FAM163B: variants seen among roughly 807,000 people sequenced by gnomAD.
FAM163B encodes protein FAM163B.
FAM163B carries 4 observed loss-of-function variants against 7.6 expected under a neutral mutation model. The observed-to-expected ratio is 0.52, with a 90% CI of 0.26 to 1.20. The LOEUF (loss-of-function observed/expected upper bound fraction) is 1.20. FAM163B is among the 50% of genes most tolerant of loss of function. The probability of loss-of-function intolerance (pLI) is 0.14; values close to 1 mark genes in which losing one functional copy is unlikely to be tolerated. For synonymous variants in FAM163B, 120 were observed against 111.6 expected (o/e 1.07, Z -0.47); for missense variants, 250 against 243.0 (o/e 1.03, Z -0.19).
chr9:133,596,965 G>T (rs948972717), intron 1 of FAM163B, among the ~76,000 whole-genome samples: 3 of 152,200 alleles, frequency 2.0e-5, no homozygotes, highest in Non-Finnish European at 4.4e-5. Context: ...GCCTAACAAA[G>T]CTTAAAAGCA....
chr9:133,582,930 G>A (rs1447897512), intron 1 of FAM163B, among the ~76,000 whole-genome samples: 6 of 152,220 alleles, frequency 3.9e-5, no homozygotes, highest in Admixed American at 6.5e-5. Flanking sequence ...CACAGCTGCC[G>A]GAGAGATTGC....
At chr9:133,582,724 C>A (rs1291621227) in intron 1 of FAM163B, among the ~76,000 whole-genome samples, 1 of 152,212 alleles carries the variant, frequency 6.6e-6, no homozygotes, top group Non-Finnish European at 1.5e-5. Context: ...GGACGTGCAC[C>A]CCAGGCTGGG....
At chr9:133,585,048 C>A (rs1831412825) in intron 1 of FAM163B, among the ~76,000 whole-genome samples, 1 of 152,252 alleles carries the variant, frequency 6.6e-6, no homozygotes, top group South Asian at 2.1e-4. Context: ...ATGGGGCTCC[C>A]CTGTGCGTCC....
chr9:133,599,947 ATG>A (rs942674553), intron 1 of FAM163B, among the ~76,000 whole-genome samples: 9 of 120,156 alleles, frequency 7.5e-5, no homozygotes, highest in Non-Finnish European at 1.5e-4. Context: ...CTATGTGCAT[ATG>A]TGTGTGCGTG....
chr9:133,580,195 C>T lies in FAM163B; in HGVS notation c.29G>A (p.Gly10Glu). Residue 10 changes from glycine (G) to glutamate (E), a missense_variant, in exon 2 of 3, where the codon GGG becomes GAG. Physicochemically the swap from Gly to Glu is moderately conservative, Grantham distance 98. Coordinates refer to ENST00000673969, the MANE Select transcript of FAM163B (RefSeq NM_001080515.3). MTAGTVVIT[G>E]GILATVILLC... Reference sequence around the variant, plus strand: ...CAAAATCACAGTCGCCAAGATGCCCCCGGTGATGACCACGGTCCCGGCTGT... The same window carrying T: ...CAAAATCACAGTCGCCAAGATGCCCTCGGTGATGACCACGGTCCCGGCTGT... The T allele has an allele frequency of 6.2e-7, 1 of 1,613,598 alleles. No homozygotes were observed. Among genetic ancestry groups the T allele is most frequent in the South Asian group, 1.1e-5 (1 of 91,084 alleles).
Position 133,579,117 on chromosome 9 carries a change from C to T in FAM163B, c.406G>A (p.Gly136Arg), listed in dbSNP as rs555269190. 42 of 1,607,440 alleles carry T rather than the reference C, an allele frequency of 2.6e-5. No individual in the cohort carries two copies. In the Middle Eastern group the frequency reaches 5.8e-4, roughly 22 times the overall value. ...AGCGCCTGCAGGCCCCCGAAGCCCC[C>T]CGGGGGCAGCTCCACGTCCTCCTGG... is the stretch of plus-strand genomic sequence containing the variant. Reference protein sequence around the residue: ...VSQEDVELPPGGFGGLQALNP... With the variant: ...VSQEDVELPPRGFGGLQALNP... The change falls in exon 3 of 3, where the codon GGG (glycine) becomes AGG (arginine). Residue 136 changes from glycine (G) to arginine (R), a missense_variant. By Grantham distance (125) the Gly-to-Arg change is moderately radical. Transcript: ENST00000673969.
intron 1 of FAM163B, among the ~76,000 whole-genome samples, chr9:133,596,170 A>G (rs1223527097): frequency 3.3e-5 from 5 of 152,006 alleles, no homozygotes; most frequent in African/African-American, 9.7e-5. Context: ...GGGAGCACCA[A>G]TAGGGCTTGT....
rs569515403 is a variant in FAM163B, at chr9:133,600,720, G to A, written c.-24+8357C>T. Among the ~76,000 whole-genome samples, 366 of 63,666 alleles carry A rather than the reference G, an allele frequency of 5.7e-3. 2 individuals are homozygous for A. Among genetic ancestry groups the A allele is most frequent in the Admixed American group, 0.013 (78 of 6,208 alleles). 41.8% of individuals were successfully genotyped at this position (63,666 alleles called of 152,430 possible). A position where few individuals can be genotyped will look rare whatever the true frequency, so the allele number is the denominator to read the frequency against. On this transcript the variant is annotated intron_variant, in intron 1 of 2. Coordinates refer to ENST00000673969, the MANE Select transcript of FAM163B (RefSeq NM_001080515.3). The surrounding 1 kb of genome is among the most constrained non-coding windows in gnomAD (Gnocchi z 4.9). ...CAGAATCTTAAAGCCACATTTTAGA[G>A]TCTTAAAAATCAGAACATGCAACCA... is the stretch of plus-strand genomic sequence containing the variant.
rs567087803 is a variant in FAM163B, at chr9:133,579,136, C to G, written c.387G>C (p.Glu129Asp). 9.3e-6 allele frequency: 15 copies of G among 1,609,602 alleles called. No individual in the cohort carries two copies. In the East Asian group the frequency reaches 2.9e-4, roughly 31 times the overall value. The change falls in exon 3 of 3, where the codon GAG (glutamate) becomes GAC (aspartate). Residue 129 changes from glutamate to aspartate, a missense_variant. By Grantham distance (45) the Glu-to-Asp change is conservative. Coordinates refer to ENST00000673969, the MANE Select transcript of FAM163B (RefSeq NM_001080515.3). ...ERVLYKSVSQEDVELPPGGFG... is the reference protein window; with the variant it reads ...ERVLYKSVSQDDVELPPGGFG... ...AGCCCCCCGGGGGCAGCTCCACGTC[C>G]TCCTGGCTCACGCTCTTGTAGAGCA...
chr9:133,589,654 T>G (rs115868836), intron 1 of FAM163B, among the ~76,000 whole-genome samples: 2,585 of 152,026 alleles, frequency 0.017, 81 homozygotes, highest in African/African-American at 0.058. Context: ...GCGGCATTGG[T>G]GCTGATTTCA....
At chr9:133,583,535 ATGCTCAG>A (rs1831386314) in intron 1 of FAM163B, among the ~76,000 whole-genome samples, 1 of 152,204 alleles carries the variant, frequency 6.6e-6, no homozygotes, top group Non-Finnish European at 1.5e-5. Flanking sequence ...CAGCTGCACC[ATGCTCAG>A]TGCTGTGCTG....
intron 1 of FAM163B, among the ~76,000 whole-genome samples, chr9:133,590,279 C>CTTTTTTCTTTTG (rs1831531982): frequency 7.0e-6 from 1 of 143,656 alleles, no homozygotes. Flanking sequence ...TTTTTCTTTT[C>CTTTTTTCTTTTG]TTTTCGTTCT....
rs373819376 is a variant in FAM163B, at chr9:133,586,169, GC to G, written c.-23-5924del. On this transcript the variant is annotated intron_variant, in intron 1 of 2. Coordinates refer to ENST00000673969, the MANE Select transcript of FAM163B (RefSeq NM_001080515.3). Reference sequence around the variant, plus strand: ...GTTGGTCTCCGAGATGTTATCCAGAGCCCGGCTGGGGGTGGGCTGGCAGAAG... The same window carrying G: ...GTTGGTCTCCGAGATGTTATCCAGAGCCGGCTGGGGGTGGGCTGGCAGAAG... 1,464 of 152,428 alleles carry G rather than the reference GC, an allele frequency of 9.6e-3. 24 individuals are homozygous for G. The highest frequency in any genetic ancestry group is 0.034 in the African/African-American group (1,396 of 41,596). 9.4% of individuals were successfully genotyped at this position (152,428 alleles called of 1,614,324 possible). A position where few individuals can be genotyped will look rare whatever the true frequency, so the allele number is the denominator to read the frequency against.
chr9:133,598,193 C>T (rs979175939), intron 1 of FAM163B, among the ~76,000 whole-genome samples: 6 of 151,582 alleles, frequency 4.0e-5, no homozygotes, highest in East Asian at 3.9e-4. Flanking sequence ...TGGGTGGAGT[C>T]GGGCTTGTCT....
intron 1 of FAM163B, among the ~76,000 whole-genome samples, chr9:133,589,641 A>G (rs1370174643): frequency 6.0e-5 from 9 of 150,502 alleles, no homozygotes; most frequent in Admixed American, 6.0e-4. Flanking sequence ...CACACACAGT[A>G]GGGCGGCATT....
intron 1 of FAM163B, among the ~76,000 whole-genome samples, chr9:133,583,399 A>C (rs1000143439): frequency 6.6e-5 from 10 of 152,138 alleles, no homozygotes; most frequent in Non-Finnish European, 1.2e-4. Context: ...ACCCAGGCTA[A>C]ACCCCCAAGT....
chr9:133,587,811 C>T (rs1003833254), intron 1 of FAM163B, among the ~76,000 whole-genome samples: 2 of 152,118 alleles, frequency 1.3e-5, no homozygotes, highest in African/African-American at 4.8e-5. Flanking sequence ...AGAGTCAGGC[C>T]TGCCTCAAAC....
intron 1 of FAM163B, among the ~76,000 whole-genome samples, chr9:133,603,816 CT>C (rs1353507887): frequency 6.6e-6 from 1 of 152,188 alleles, no homozygotes; most frequent in East Asian, 1.9e-4. Flanking sequence ...TGGACAGCTG[CT>C]TTTGCATTGC....
Position 133,601,484 on chromosome 9 carries a change from G to C in FAM163B, c.-24+7593C>G, listed in dbSNP as rs1831728738. ...ATACAAATAGCAGCATTAACCACAGGGGCCTGGCCAGGCGAGACCCACTCT... is the reference window on the plus strand; with the variant it reads ...ATACAAATAGCAGCATTAACCACAGCGGCCTGGCCAGGCGAGACCCACTCT... On this transcript the variant is annotated intron_variant, in intron 1 of 2. Coordinates refer to ENST00000673969, the MANE Select transcript of FAM163B (RefSeq NM_001080515.3). This position sits in a 1 kb window ranked among gnomAD's most constrained non-coding sequence, Gnocchi z 4.1. Among the ~76,000 whole-genome samples, 1 of 152,002 alleles carries C rather than the reference G, an allele frequency of 6.6e-6. No individual in the cohort carries two copies. Among genetic ancestry groups the C allele is most frequent in the Non-Finnish European group, 1.5e-5 (1 of 68,012 alleles).
Sources: allele counts gnomAD v4.1 joint callset (sites outside exome capture counted in the v4.1 genomes callset), GRCh38; gene constraint gnomAD v4.1.1; non-coding constraint Gnocchi (gnomAD v3.1); transcripts MANE v1.5; gene names NCBI Gene and HGNC (gene_info 2026-07-23, HGNC 2026-07-21).